GLI3: variants seen among roughly 807,000 people sequenced by gnomAD.
GLI3 encodes the protein transcription activator GLI3.
In GLI3, 20 loss-of-function variants were observed where a neutral mutation model predicts 100.8. That is an observed-to-expected ratio of 0.20 (90% confidence interval 0.14 to 0.29). GLI3 has a LOEUF of 0.29. GLI3 is among the 10% of genes least tolerant of loss of function. GLI3 has a pLI of 1.00. For missense variants in GLI3, 2,040 were observed against 2,128.5 expected (o/e 0.96, Z 0.82); for synonymous variants, 938 against 860.5 (o/e 1.09, Z -1.58).
chr7:42,128,328 A>G, intron 3 of GLI3, among the ~76,000 whole-genome samples: 1 of 152,168 alleles, frequency 6.6e-6, no homozygotes, highest in East Asian at 1.9e-4. Context: ...CCAGTTGGAT[A>G]TGGTTGTTAC....
At chr7:42,128,018 C>CAAAAAAAAAAAAAA (rs762509904) in intron 3 of GLI3, among the ~76,000 whole-genome samples, 1 of 85,034 alleles carries the variant, frequency 1.2e-5, no homozygotes. Flanking sequence ...GACCCTGACT[C>CAAAAAAAAAAAAAA]AAAAAAAAAA....
intron 4 of GLI3, among the ~76,000 whole-genome samples, chr7:42,067,466 C>CA (rs1371885270): frequency 1.2e-4 from 19 of 152,334 alleles, no homozygotes; most frequent in African/African-American, 4.6e-4. Context: ...TCCCTCTCCC[C>CA]ACTCCCCATC....
chr7:42,157,013 C>T (rs1787018877), intron 2 of GLI3, among the ~76,000 whole-genome samples: 1 of 152,210 alleles, frequency 6.6e-6, no homozygotes, highest in Non-Finnish European at 1.5e-5. Flanking sequence ...AGAGACCATG[C>T]TTATGCCCTT....
intron 2 of GLI3, among the ~76,000 whole-genome samples, chr7:42,165,271 G>A (rs1787218895): frequency 6.6e-6 from 1 of 151,872 alleles, no homozygotes; most frequent in Admixed American, 6.6e-5. Flanking sequence ...TGGCATTATA[G>A]TGTCCCTGCA....
chr7:42,023,416 T>C, intron 10 of GLI3, 52 bp downstream of exon 10: 2 of 1,601,468 alleles, frequency 1.2e-6, no homozygotes, highest in Non-Finnish European at 1.7e-6. Context: ...CTGACCTCCC[T>C]GGAAAGTGTC....
At chr7:42,214,824 A>C (rs1223207182) in intron 2 of GLI3, among the ~76,000 whole-genome samples, 1 of 151,036 alleles carries the variant, frequency 6.6e-6, no homozygotes, top group Non-Finnish European at 1.5e-5. Context: ...CATAAAACGG[A>C]ATTTTAAATT....
intron 1 of GLI3, among the ~76,000 whole-genome samples, chr7:42,262,209 T>TTCCTTCCTTCCTGACTTCC (rs1186292634): frequency 9.0e-6 from 1 of 110,842 alleles, no homozygotes. Context: ...TCCTTCCTTC[T>TTCCTTCCTTCCTGACTTCC]TTCCTTCCTT....
intron 1 of GLI3, among the ~76,000 whole-genome samples, chr7:42,247,173 ATATTTT>A (rs1458847667): frequency 6.6e-6 from 1 of 152,184 alleles, no homozygotes; most frequent in East Asian, 1.9e-4. Flanking sequence ...AAGGGATTCA[ATATTTT>A]TATTATCGAT....
At chr7:42,162,698 A>G (rs1787154569) in intron 2 of GLI3, among the ~76,000 whole-genome samples, 1 of 152,200 alleles carries the variant, frequency 6.6e-6, no homozygotes, top group South Asian at 2.1e-4. Flanking sequence ...AGACAAAAAT[A>G]AAAATCTTAG....
intron 10 of GLI3, among the ~76,000 whole-genome samples, chr7:42,000,228 T>C (rs1400553032): frequency 6.6e-6 from 1 of 152,224 alleles, no homozygotes; most frequent in Non-Finnish European, 1.5e-5. Context: ...GTAGTTGATT[T>C]GTAGAGTAGA....
chr7:42,101,226 A>G (rs1464628641), intron 3 of GLI3, among the ~76,000 whole-genome samples: 4 of 152,178 alleles, frequency 2.6e-5, no homozygotes, highest in African/African-American at 9.7e-5. Context: ...TGAAGCATCT[A>G]TTCCTTCTTC....
chr7:42,182,685 CATGTGTGT>C (rs1787637818), intron 2 of GLI3, among the ~76,000 whole-genome samples: 1 of 52,812 alleles, frequency 1.9e-5, no homozygotes. Flanking sequence ...TATATATACA[CATGTGTGT>C]ATATATATAT....
At chr7:41,997,031 ATATGGGAAAG>A (rs1788144577) in intron 10 of GLI3, among the ~76,000 whole-genome samples, 2 of 152,218 alleles carry the variant, frequency 1.3e-5, no homozygotes, top group East Asian at 3.8e-4. Context: ...TTATTTCTTC[ATATGGGAAAG>A]CTGCTGGGAG....
chr7:42,130,019 A>T (rs970211775), intron 3 of GLI3, among the ~76,000 whole-genome samples: 8 of 152,090 alleles, frequency 5.3e-5, no homozygotes, highest in African/African-American at 1.9e-4. Context: ...CCCTGTTTCC[A>T]CCCAGGTCTA....
At chr7:42,122,268 G>A (rs1338055137) in intron 3 of GLI3, among the ~76,000 whole-genome samples, 1 of 135,982 alleles carries the variant, frequency 7.4e-6, no homozygotes, top group African/African-American at 2.9e-5. Context: ...CTTTCACACA[G>A]TCTTTCCAGT....
chr7:42,126,208 C>T (rs1786126674), intron 3 of GLI3, among the ~76,000 whole-genome samples: 1 of 152,222 alleles, frequency 6.6e-6, no homozygotes, highest in South Asian at 2.1e-4. Context: ...GCCTGTGTTT[C>T]TCTGAAAAGT....
At chr7:42,010,919 T>C (rs1788595823) in intron 10 of GLI3, among the ~76,000 whole-genome samples, 1 of 152,046 alleles carries the variant, frequency 6.6e-6, no homozygotes, top group South Asian at 2.1e-4. Context: ...ACAGCAATAA[T>C]GTCCAGGAAG....
At chr7:42,157,717 AT>A (rs1178522489) in intron 2 of GLI3, among the ~76,000 whole-genome samples, 2 of 152,120 alleles carry the variant, frequency 1.3e-5, no homozygotes, top group African/African-American at 4.8e-5. Flanking sequence ...TTTGTCTTTT[AT>A]TTTTAATTCT....
chr7:41,993,056 G>A (rs1484720517), intron 10 of GLI3, among the ~76,000 whole-genome samples: 1 of 152,178 alleles, frequency 6.6e-6, no homozygotes, highest in African/African-American at 2.4e-5. Flanking sequence ...TTATCAAGGA[G>A]GCCTGCTGGA....
Sources: gnomAD v4.1 joint callset for allele counts (sites outside exome capture counted in the v4.1 genomes callset) on GRCh38, gnomAD v4.1.1 for gene constraint, MANE v1.5 for transcripts, NCBI Gene and HGNC (gene_info 2026-07-23, HGNC 2026-07-21) for gene names.